ANKMY2: variants seen among roughly 807,000 people sequenced by gnomAD.
ANKMY2 encodes the protein ankyrin repeat and MYND domain-containing protein 2.
In ANKMY2, 36 loss-of-function variants were observed where a neutral mutation model predicts 50.4. That is an observed-to-expected ratio of 0.71 (90% CI 0.55 to 0.94). ANKMY2 has a LOEUF of 0.94. Ranked by LOEUF, ANKMY2 falls within the 40% of genes least tolerant of loss-of-function variation. The pLI is 0.00. For synonymous variants in ANKMY2, 187 were observed against 178.8 expected (o/e 1.05, Z -0.36); for missense variants, 565 against 524.0 (o/e 1.08, Z -0.76).
chr7:16,615,521 G>T (rs1031822372), intron 5 of ANKMY2, among the ~76,000 whole-genome samples: 1 of 152,174 alleles, frequency 6.6e-6, no homozygotes, highest in Non-Finnish European at 1.5e-5. Flanking sequence ...CCATCTCTTT[G>T]CGTGGCTTTT....
At chr7:16,617,212 T>C (rs1287739265) in intron 4 of ANKMY2, among the ~76,000 whole-genome samples, 1 of 152,230 alleles carries the variant, frequency 6.6e-6, no homozygotes. Context: ...CAGTTACCTG[T>C]GTTGATTTTG....
At chr7:16,607,334 G>A (rs945826760) in intron 7 of ANKMY2, among the ~76,000 whole-genome samples, 3 of 152,138 alleles carry the variant, frequency 2.0e-5, no homozygotes, top group South Asian at 4.1e-4. Flanking sequence ...GGGAGGCCAA[G>A]GCGGGCAGAT....
intron 5 of ANKMY2, among the ~76,000 whole-genome samples, chr7:16,613,421 C>T (rs532606903): frequency 6.6e-6 from 1 of 152,184 alleles, no homozygotes; most frequent in Non-Finnish European, 1.5e-5. Flanking sequence ...GTAACAAAAG[C>T]AACTGGGTGG....
rs141753808 is a variant in ANKMY2, at chr7:16,627,042, G to C, written c.269C>G (p.Ser90Cys). 5 of 1,595,588 alleles carry C rather than the reference G, an allele frequency of 3.1e-6. No individual in the cohort carries two copies. The African/African-American group carries it at 5.4e-5, about 17-fold the overall frequency. ...GYTALMFAAL[S>C]GNKDITWVML... ...ATTTATAAATACTAAAACTTCACCAGAAAGTGCAGCAAACATGAGGGCTGT... is the reference window on the plus strand; with the variant it reads ...ATTTATAAATACTAAAACTTCACCACAAAGTGCAGCAAACATGAGGGCTGT... Residue 90 changes from serine to cysteine, a missense_variant and splice_region_variant, in exon 3 of 10, where the codon TCT becomes TGT. Ser to Cys is a moderately radical substitution (Grantham distance 112). Transcript: ENST00000306999.
chr7:16,622,754 A>G lies in ANKMY2; in HGVS notation c.370+2229T>C, dbSNP rs1442765867. Among the ~76,000 whole-genome samples, 9 of 14,454 alleles carry G rather than the reference A, an allele frequency of 6.2e-4. No individual in the cohort carries two copies. The East Asian group carries it at 6.3e-3, about 10-fold the overall frequency. 9.5% of individuals were successfully genotyped at this position (14,454 alleles called of 152,430 possible). On this transcript the variant is annotated intron_variant, in intron 4 of 9. Transcript: ENST00000306999. ...GACTCCATCTCAAAAATAAATGAAT[A>G]AATAAATAAATAAATAAATAAATAA... is the stretch of plus-strand genomic sequence containing the variant.
intron 5 of ANKMY2, among the ~76,000 whole-genome samples, chr7:16,615,115 T>C (rs1781321033): frequency 6.6e-6 from 1 of 152,228 alleles, no homozygotes; most frequent in African/African-American, 2.4e-5. Context: ...GAAAATCTGA[T>C]TTGATGAATT....
Position 16,610,659 on chromosome 7 carries a change from T to C in ANKMY2, c.636A>G (p.Arg212=), listed in dbSNP as rs1426985303. 1 of 1,614,062 alleles carries C rather than the reference T, an allele frequency of 6.2e-7. No homozygotes were observed. Residue 212 remains arginine (R), a synonymous_variant, in exon 6 of 10, where the codon AGA becomes AGG. Transcript: ENST00000306999. ...TCATAGCCAATACTTCATTCATGTC[T>C]CTTTGCTTCATACATTTCTCACAAA... ...DLICEKCMKQ[R]DMNEVLAMKM...
chr7:16,601,789 A>G (rs1035180771), intron 9 of ANKMY2, among the ~76,000 whole-genome samples: 5 of 152,220 alleles, frequency 3.3e-5, no homozygotes, highest in African/African-American at 1.2e-4. Context: ...CAATCTGATA[A>G]TCACTGCTGA....
chr7:16,619,691 C>G (rs1179600473), intron 4 of ANKMY2, among the ~76,000 whole-genome samples: 1 of 151,856 alleles, frequency 6.6e-6, no homozygotes, highest in Non-Finnish European at 1.5e-5. Context: ...TCTGAATATA[C>G]ATAAATAAAA....
Position 16,620,639 on chromosome 7 carries a change from CAATA to C in ANKMY2, c.370+4340_370+4343del, listed in dbSNP as rs199687928. Among the ~76,000 whole-genome samples the C allele has an allele frequency of 1.1e-4, 16 of 147,260 alleles. No homozygotes were observed. The East Asian group carries it at 3.1e-3, about 29-fold the overall frequency. Reference sequence around the variant, plus strand: ...ACACACACACAGATGCATGCACAAACAATAGTCAAGTAAAATAAAGAGTAAAAAT... The same window carrying C: ...ACACACACACAGATGCATGCACAAACGTCAAGTAAAATAAAGAGTAAAAAT... On this transcript the variant is annotated intron_variant, in intron 4 of 9. Coordinates refer to ENST00000306999, the MANE Select transcript of ANKMY2 (RefSeq NM_020319.3).
intron 7 of ANKMY2, among the ~76,000 whole-genome samples, chr7:16,607,104 T>A (rs891042867): frequency 1.3e-5 from 2 of 152,200 alleles, no homozygotes; most frequent in East Asian, 3.8e-4. Context: ...ATGGCTGTGA[T>A]ACGCACAATC....
intron 2 of ANKMY2, among the ~76,000 whole-genome samples, chr7:16,628,279 G>A (rs796324638): frequency 2.7e-4 from 41 of 152,252 alleles, no homozygotes; most frequent in African/African-American, 9.6e-4. Context: ...GATGCTTCCA[G>A]ATTATTATTA....
chr7:16,623,953 A>G (rs145533765), intron 4 of ANKMY2, among the ~76,000 whole-genome samples: 1 of 152,184 alleles, frequency 6.6e-6, no homozygotes, highest in African/African-American at 2.4e-5. Context: ...TTCAGTTACT[A>G]TCCTCCACAC....
chr7:16,610,839 G>A, intron 5 of ANKMY2, 76 bp from the exon 6 acceptor site: 1 of 1,241,128 alleles, frequency 8.1e-7, no homozygotes, highest in Non-Finnish European at 1.1e-6. Flanking sequence ...CCATTTAGTT[G>A]ATTTCAAAAG....
chr7:16,615,652 C>A (rs939244845), intron 5 of ANKMY2, 92 bp downstream of exon 5: 4 of 1,530,068 alleles, frequency 2.6e-6, no homozygotes, highest in Non-Finnish European at 3.6e-6. Context: ...ACAAAACCCA[C>A]CCCAAGACAA....
chr7:16,637,203 G>C (rs1217908475), intron 1 of ANKMY2, among the ~76,000 whole-genome samples: 1 of 152,190 alleles, frequency 6.6e-6, no homozygotes, highest in Non-Finnish European at 1.5e-5. Flanking sequence ...GGGAAGAGAA[G>C]AATGAAATTG....
intron 1 of ANKMY2, among the ~76,000 whole-genome samples, chr7:16,640,927 G>A (rs575616147): frequency 6.6e-6 from 1 of 152,242 alleles, no homozygotes; most frequent in African/African-American, 2.4e-5. Flanking sequence ...TTTGTTAGTT[G>A]TTATAGTGTT....
chr7:16,640,650 G>C (rs546776027), intron 1 of ANKMY2, among the ~76,000 whole-genome samples: 3 of 152,128 alleles, frequency 2.0e-5, no homozygotes, highest in Non-Finnish European at 4.4e-5. Flanking sequence ...GACTCTTGAG[G>C]TGCTAGGACT....
intron 4 of ANKMY2, among the ~76,000 whole-genome samples, chr7:16,616,631 G>A (rs1781356737): frequency 6.6e-6 from 1 of 152,190 alleles, no homozygotes; most frequent in African/African-American, 2.4e-5. Flanking sequence ...TGGCCACTCT[G>A]GGCAAGCAGG....
Sources: gnomAD v4.1 joint callset for allele counts (sites outside exome capture counted in the v4.1 genomes callset) on GRCh38, gnomAD v4.1.1 for gene constraint, MANE v1.5 for transcripts, NCBI Gene and HGNC (gene_info 2026-07-23, HGNC 2026-07-21) for gene names.